Variants in CNTNAP2 observed in about 807,000 individuals in gnomAD.
CNTNAP2 encodes contactin-associated protein-like 2.
A neutral mutation model predicts 155.2 loss-of-function variants in CNTNAP2; 98 were observed. The observed-to-expected ratio is 0.63, with a 90% CI of 0.54 to 0.75. The LOEUF is 0.75. Ranked by LOEUF, CNTNAP2 falls within the 30% of genes least tolerant of loss-of-function variation. CNTNAP2 has a pLI of 0.00. For missense variants in CNTNAP2, 1,727 were observed against 1,688.1 expected (o/e 1.02, Z -0.40); for synonymous variants, 651 against 631.2 (o/e 1.03, Z -0.47).
chr7:147,369,375 A>G (rs907623502), intron 9 of CNTNAP2, among the ~76,000 whole-genome samples: 14 of 152,320 alleles, frequency 9.2e-5, no homozygotes, highest in African/African-American at 3.4e-4. Context: ...AGTTACTGAC[A>G]TGACCATGAA....
intron 13 of CNTNAP2, among the ~76,000 whole-genome samples, chr7:147,689,307 G>A (rs1338360013): frequency 6.6e-6 from 1 of 151,830 alleles, no homozygotes; most frequent in Non-Finnish European, 1.5e-5. Flanking sequence ...GCACCACCAA[G>A]CCCAGTTAAT....
At chr7:147,065,657 G>A (rs17170313) in intron 4 of CNTNAP2, among the ~76,000 whole-genome samples, 3,904 of 152,056 alleles carry the variant, frequency 0.026, 89 homozygotes, top group Non-Finnish European at 0.034. Context: ...AATTTTATGA[G>A]GAATTAATTA....
At chr7:148,414,059 A>G (rs912477832) in intron 23 of CNTNAP2, among the ~76,000 whole-genome samples, 1 of 149,716 alleles carries the variant, frequency 6.7e-6, no homozygotes, top group Non-Finnish European at 1.5e-5. Flanking sequence ...TATTTCATCC[A>G]GTATTTTTTT....
intron 3 of CNTNAP2, among the ~76,000 whole-genome samples, chr7:146,969,144 G>C (rs1415705764): frequency 1.3e-5 from 2 of 151,768 alleles, no homozygotes; most frequent in Non-Finnish European, 2.9e-5. Context: ...TTAATCCTGA[G>C]TTCTAGTTTG....
chr7:147,881,144 G>A (rs78758497), intron 13 of CNTNAP2, among the ~76,000 whole-genome samples: 5,070 of 152,238 alleles, frequency 0.033, 133 homozygotes, highest in Non-Finnish European at 0.053. Context: ...AATGAGATCA[G>A]TTGTTGAAGA....
At chr7:147,718,595 CATTTTTGG>C (rs1490517768) in intron 13 of CNTNAP2, among the ~76,000 whole-genome samples, 2 of 152,060 alleles carry the variant, frequency 1.3e-5, no homozygotes, top group African/African-American at 4.8e-5. Flanking sequence ...GATTTGAGAT[CATTTTTGG>C]TAAGACCTGT....
chr7:147,715,007 C>T (rs1796461591), intron 13 of CNTNAP2, among the ~76,000 whole-genome samples: 1 of 152,052 alleles, frequency 6.6e-6, no homozygotes, highest in Non-Finnish European at 1.5e-5. Context: ...TTGTGTGTAT[C>T]AAGTTCTTCC....
rs530596402 is a variant in CNTNAP2 at position 146,853,423 on chromosome 7, A to G, written c.402+13519A>G. On this transcript the variant is annotated intron_variant, in intron 3 of 23. Coordinates refer to ENST00000361727, the MANE Select transcript of CNTNAP2 (RefSeq NM_014141.6). ...CACACTCTCTCAACTCTTACTACAC[A>G]CTAACTATTAATCTCCCCCCAAATA... 3.3e-5 allele frequency among the ~76,000 whole-genome samples: 5 copies of G among 152,192 alleles called. No homozygotes were observed. In the South Asian group the frequency reaches 6.2e-4, roughly 19 times the overall value.
intron 8 of CNTNAP2, among the ~76,000 whole-genome samples, chr7:147,159,937 G>GT (rs150340227): frequency 0.11 from 16,863 of 151,294 alleles, 1,456 homozygotes; most frequent in African/African-American, 0.25. Flanking sequence ...ATGAATCAAA[G>GT]TTTTTTTTTG....
At chr7:147,098,558 G>A (rs1051957406) in intron 4 of CNTNAP2, among the ~76,000 whole-genome samples, 11 of 152,086 alleles carry the variant, frequency 7.2e-5, no homozygotes, top group Admixed American at 2.0e-4. Context: ...ATTTAATAAT[G>A]GTTTCTAAAA....
intron 15 of CNTNAP2, among the ~76,000 whole-genome samples, chr7:148,015,146 C>T (rs1447175105): frequency 6.6e-6 from 1 of 152,082 alleles, no homozygotes; most frequent in Non-Finnish European, 1.5e-5. Context: ...ATGGAAAATA[C>T]CTGTCCATAA....
At chr7:147,486,186 CAAAA>C (rs4015951) in intron 11 of CNTNAP2, 145 bp downstream of exon 11, 1,188 of 558,050 alleles carry the variant, frequency 2.1e-3, no homozygotes, top group South Asian at 3.0e-3. Context: ...GTCATTTCTC[CAAAA>C]AAAAAAAAAT....
intron 1 of CNTNAP2, among the ~76,000 whole-genome samples, chr7:146,756,281 T>C (rs896212622): frequency 1.3e-5 from 2 of 151,992 alleles, no homozygotes; most frequent in African/African-American, 4.8e-5. Context: ...TATTAAGCTA[T>C]GTTAGTAAAA....
intron 3 of CNTNAP2, among the ~76,000 whole-genome samples, chr7:146,982,371 T>G (rs901909815): frequency 1.3e-5 from 2 of 152,170 alleles, no homozygotes; most frequent in African/African-American, 4.8e-5. Flanking sequence ...CACCCCATTC[T>G]TTGTGTTTTT....
At chr7:147,525,772 CTG>C (rs563649869) in intron 11 of CNTNAP2, among the ~76,000 whole-genome samples, 2 of 152,290 alleles carry the variant, frequency 1.3e-5, no homozygotes, top group South Asian at 4.1e-4. Context: ...TATTTACTAA[CTG>C]TATTAATATT....
At chr7:147,141,120 A>C (rs1340966496) in intron 8 of CNTNAP2, among the ~76,000 whole-genome samples, 1 of 152,178 alleles carries the variant, frequency 6.6e-6, no homozygotes, top group East Asian at 1.9e-4. Context: ...AAACCTTTCT[A>C]TCTCATTTAT....
At chr7:148,288,821 A>G (rs10952749) in intron 21 of CNTNAP2, among the ~76,000 whole-genome samples, 60,517 of 151,590 alleles carry the variant, frequency 0.4, 12,716 homozygotes, top group East Asian at 0.67. Context: ...ATTCAATTAA[A>G]TTTAGCAAAT....
At chr7:146,853,718 G>T (rs1585123160) in intron 3 of CNTNAP2, among the ~76,000 whole-genome samples, 1 of 152,146 alleles carries the variant, frequency 6.6e-6, no homozygotes, top group South Asian at 2.1e-4. Context: ...CATAGTTTTT[G>T]ATTATAGGTG....
chr7:147,503,626 TC>T (rs1172165394), intron 11 of CNTNAP2, among the ~76,000 whole-genome samples: 5 of 152,126 alleles, frequency 3.3e-5, no homozygotes, highest in Non-Finnish European at 7.4e-5. Context: ...AGTCACATTC[TC>T]TTTTTATTTT....
Sources: gnomAD v4.1 joint callset for allele counts (sites outside exome capture counted in the v4.1 genomes callset) on GRCh38, gnomAD v4.1.1 for gene constraint, MANE v1.5 for transcripts, NCBI Gene and HGNC (gene_info 2026-07-23, HGNC 2026-07-21) for gene names.